The following PTPRM variants were observed in gnomAD, a reference collection of about 807,000 sequenced individuals.
PTPRM encodes the protein receptor-type tyrosine-protein phosphatase mu.
Under a neutral mutation model 186.7 loss-of-function variants are expected in PTPRM, and 47 were observed. The ratio of observed to expected loss-of-function variants is 0.25; its 90% CI spans 0.20 to 0.32. The LOEUF (loss-of-function observed/expected upper bound fraction) is 0.32, where lower values mean the gene tolerates loss of function less well. Among genes scored for constraint, PTPRM ranks in the 10% least tolerant of loss-of-function variants. The pLI is 1.00. For missense variants in PTPRM, 1,494 were observed against 1,865.0 expected, an observed-to-expected ratio of 0.80 and a Z score of 3.66; for synonymous variants, 668 against 674.9, an observed-to-expected ratio of 0.99 and a Z score of 0.16.
chr18:8,336,384 C>A (rs2095439048), intron 22 of PTPRM, among the ~76,000 whole-genome samples: 1 of 152,042 alleles, frequency 6.6e-6, no homozygotes. Context: ...CATAGTGAGA[C>A]CCTATCTCTA....
At chr18:8,100,192 G>A (rs925315540) in intron 11 of PTPRM, among the ~76,000 whole-genome samples, 1 of 152,036 alleles carries the variant, frequency 6.6e-6, no homozygotes, top group African/African-American at 2.4e-5. Flanking sequence ...AGGCTGGAGG[G>A]CAGTGGCGTG....
chr18:8,400,457 G>T (rs891732287), intron 32 of PTPRM, among the ~76,000 whole-genome samples: 3 of 152,194 alleles, frequency 2.0e-5, no homozygotes, highest in Non-Finnish European at 2.9e-5. Flanking sequence ...GCACAGGCCT[G>T]CCCCAGCCCA....
At chr18:7,881,871 A>G (rs1343547799) in intron 2 of PTPRM, among the ~76,000 whole-genome samples, 4 of 151,766 alleles carry the variant, frequency 2.6e-5, no homozygotes, top group Non-Finnish European at 5.9e-5. Flanking sequence ...CTTGCTTCCC[A>G]CTTTCCCTCT....
At position 8,137,916 on chromosome 18, in the gene PTPRM, G is replaced by C. The variant is rs192155549; in HGVS notation, c.2168-5731G>C. Among the ~76,000 whole-genome samples, 701 of 152,194 alleles carry C rather than the reference G, an allele frequency of 4.6e-3. 3 individuals are homozygous for C. The highest frequency in any genetic ancestry group is 8.1e-3 in the South Asian group (39 of 4,822). ...CTTAAGGCTTCTGGCCTTATTTACT[G>C]TGGTCAACTCCCTGAAGGAAGAGGC... On this transcript the variant is annotated intron_variant, in intron 13 of 32. Coordinates refer to ENST00000580170, the MANE Select transcript of PTPRM (RefSeq NM_001105244.2).
At chr18:8,144,228 A>G (rs1159254370) in intron 14 of PTPRM, among the ~76,000 whole-genome samples, 3 of 152,240 alleles carry the variant, frequency 2.0e-5, no homozygotes, top group Non-Finnish European at 2.9e-5. Context: ...AGGGAAGGTC[A>G]TCAGCACAAC....
intron 2 of PTPRM, among the ~76,000 whole-genome samples, chr18:7,879,723 T>C (rs1386078495): frequency 6.6e-6 from 1 of 152,160 alleles, no homozygotes; most frequent in Non-Finnish European, 1.5e-5. Context: ...TGCTTATTAA[T>C]TTTGTAGCAC....
chr18:8,032,403 A>G (rs1232077903), intron 7 of PTPRM, among the ~76,000 whole-genome samples: 2 of 152,106 alleles, frequency 1.3e-5, no homozygotes, highest in African/African-American at 4.8e-5. Flanking sequence ...GCTTTCCTAT[A>G]ATCTTCATAG....
intron 13 of PTPRM, among the ~76,000 whole-genome samples, chr18:8,119,654 C>A (rs16952897): frequency 1.3e-5 from 2 of 152,038 alleles, no homozygotes; most frequent in South Asian, 4.2e-4. Flanking sequence ...GAAAAGAATC[C>A]GGAAAAACCC....
In PTPRM at chr18:8,059,194, G is replaced by T. The variant is rs1040138203; in HGVS notation, c.1133-10492G>T. 8.7e-5 allele frequency among the ~76,000 whole-genome samples: 13 copies of T among 148,638 alleles called. 1 individual carries two copies. The highest frequency in any genetic ancestry group is 3.3e-4 in the African/African-American group (13 of 39,960). ...CATCCCTTGTAAGTTGGATTCCTAGGTATTTTATTCTCTTTGAAGCAATTG... is the reference window on the plus strand; with the variant it reads ...CATCCCTTGTAAGTTGGATTCCTAGTTATTTTATTCTCTTTGAAGCAATTG... On this transcript the variant is annotated intron_variant, in intron 7 of 32. Coordinates refer to ENST00000580170, the MANE Select transcript of PTPRM (RefSeq NM_001105244.2).
In PTPRM at chr18:8,386,413, A is replaced by G. The variant is rs115505689; in HGVS notation, c.4045-659A>G. 4.2e-3 allele frequency among the ~76,000 whole-genome samples: 645 copies of G among 152,234 alleles called. 5 individuals are homozygous for G. Among genetic ancestry groups the G allele is most frequent in the African/African-American group, 0.014 (599 of 41,540 alleles). On this transcript the variant is annotated intron_variant, in intron 30 of 32. Transcript: ENST00000580170. ...GAGAGGGAGGGACTGCTGTGGGAGA[A>G]GGACCAGCCAGTGAGGAAAGCGTGT...
At chr18:7,741,816 A>T (rs2040889900) in intron 1 of PTPRM, 1 of 152,226 alleles carries the variant, frequency 6.6e-6, no homozygotes, top group Non-Finnish European at 1.5e-5. Context: ...ACCTCAGCAG[A>T]TGCAGGGGAA....
chr18:8,048,585 TAAA>T (rs5822990), intron 7 of PTPRM, among the ~76,000 whole-genome samples: 3 of 144,922 alleles, frequency 2.1e-5, no homozygotes, highest in African/African-American at 7.5e-5. Context: ...AAGTCTTTTT[TAAA>T]AAAAAAAAAA....
At chr18:8,145,011 C>T (rs1448452410) in intron 14 of PTPRM, among the ~76,000 whole-genome samples, 1 of 152,054 alleles carries the variant, frequency 6.6e-6, no homozygotes, top group Admixed American at 6.5e-5. Context: ...TGTTGATGGC[C>T]TTTGAGTAGG....
chr18:8,394,480 G>T lies in PTPRM; in HGVS notation c.4213G>T (p.Gly1405Trp). The change falls in exon 32 of 33, where the codon GGG (glycine) becomes TGG (tryptophan). Residue 1405 changes from glycine (G) to tryptophan (W), a missense_variant. Coordinates refer to ENST00000580170, the MANE Select transcript of PTPRM (RefSeq NM_001105244.2). ...EGRTVVHCLN[G>W]GGRSGTFCAI... ...ATCTGATCTTTTTCACGACAGGAACGGGGGAGGCCGCAGTGGGACGTTCTG... is the reference window on the plus strand; with the variant it reads ...ATCTGATCTTTTTCACGACAGGAACTGGGGAGGCCGCAGTGGGACGTTCTG... The T allele has an allele frequency of 6.2e-7, 1 of 1,608,418 alleles. No individual in the cohort carries two copies. Among genetic ancestry groups the T allele is most frequent in the Non-Finnish European group, 8.5e-7 (1 of 1,177,176 alleles).
intron 2 of PTPRM, among the ~76,000 whole-genome samples, chr18:7,887,677 G>A (rs995818346): frequency 6.6e-6 from 1 of 152,212 alleles, no homozygotes; most frequent in Non-Finnish European, 1.5e-5. Flanking sequence ...CTCTGTATCT[G>A]TGCTGCCCAG....
intron 31 of PTPRM, among the ~76,000 whole-genome samples, chr18:8,390,063 A>G (rs77846711): frequency 0.066 from 10,117 of 152,350 alleles, 361 homozygotes; most frequent in East Asian, 0.12. Context: ...TGCCGAAAGT[A>G]TTAGGTGCAA....
chr18:7,927,802 C>T (rs553503261), intron 5 of PTPRM, among the ~76,000 whole-genome samples: 5 of 152,268 alleles, frequency 3.3e-5, no homozygotes, highest in African/African-American at 7.2e-5. Context: ...GCCCAGGATG[C>T]GGTAGAGTGG....
chr18:7,603,064 A>C (rs2143767099), intron 1 of PTPRM, among the ~76,000 whole-genome samples: 1 of 151,652 alleles, frequency 6.6e-6, no homozygotes, highest in East Asian at 1.9e-4. Flanking sequence ...AGTAGCTGGG[A>C]CTACAGGTGC....
chr18:8,054,942 GA>G (rs1415198433), intron 7 of PTPRM, among the ~76,000 whole-genome samples: 2 of 151,940 alleles, frequency 1.3e-5, no homozygotes, highest in African/African-American at 2.4e-5. Context: ...TTTGTACTTT[GA>G]ATATTTTGTT....
Sources: allele counts gnomAD v4.1 joint callset (sites outside exome capture counted in the v4.1 genomes callset), GRCh38; gene constraint gnomAD v4.1.1; transcripts MANE v1.5; gene names NCBI Gene and HGNC (gene_info 2026-07-23, HGNC 2026-07-21).